Variants in DTNA observed in about 807,000 individuals in gnomAD.
DTNA encodes dystrophin-related protein 3.
DTNA carries 43 observed loss-of-function variants against 100.7 expected under a neutral mutation model. That is an observed-to-expected ratio of 0.43 (90% CI 0.33 to 0.55). DTNA has a LOEUF of 0.55. Ranked by LOEUF, DTNA falls within the 20% of genes least tolerant of loss-of-function variation. The pLI, the probability that DTNA is intolerant of heterozygous loss-of-function variation, is 0.04. For missense variants in DTNA, 798 were observed against 953.9 expected, an observed-to-expected ratio of 0.84 and a Z score of 2.15; for synonymous variants, 349 against 347.9, an observed-to-expected ratio of 1.00 and a Z score of -0.04.
At chr18:34,534,684 C>T (rs984921572) in intron 1 of DTNA, among the ~76,000 whole-genome samples, 1 of 151,998 alleles carries the variant, frequency 6.6e-6, no homozygotes, top group African/African-American at 2.4e-5. Flanking sequence ...TGATGTTCCC[C>T]TCCCTGTGTC....
chr18:34,860,896 C>T (rs2096615900), intron 16 of DTNA, among the ~76,000 whole-genome samples: 1 of 152,080 alleles, frequency 6.6e-6, no homozygotes, highest in African/African-American at 2.4e-5. Flanking sequence ...TTATTCTACT[C>T]GTTTAATGGA....
At chr18:34,714,798 G>C (rs982721088) in intron 1 of DTNA, among the ~76,000 whole-genome samples, 6 of 152,070 alleles carry the variant, frequency 3.9e-5, no homozygotes, top group Non-Finnish European at 8.8e-5. Context: ...CAAAGACTTG[G>C]AACCAAGCCA....
intron 3 of DTNA, among the ~76,000 whole-genome samples, chr18:34,781,772 A>G (rs1212166307): frequency 6.6e-6 from 1 of 152,232 alleles, no homozygotes; most frequent in Non-Finnish European, 1.5e-5. Context: ...AGAGAATTGT[A>G]TAGATATATA....
chr18:34,520,828 T>A (rs533065270), intron 1 of DTNA, among the ~76,000 whole-genome samples: 1 of 152,216 alleles, frequency 6.6e-6, no homozygotes, highest in South Asian at 2.1e-4. Flanking sequence ...GTCCTCAGAT[T>A]TTCTCTCTAG....
chr18:34,575,005 T>C (rs1453921541), intron 1 of DTNA, among the ~76,000 whole-genome samples: 1 of 152,240 alleles, frequency 6.6e-6, no homozygotes, highest in Non-Finnish European at 1.5e-5. Context: ...AATATAATGC[T>C]TTTACTAAAA....
At chr18:34,783,418 G>T (rs1416917934) in intron 3 of DTNA, among the ~76,000 whole-genome samples, 1 of 152,124 alleles carries the variant, frequency 6.6e-6, no homozygotes, top group Non-Finnish European at 1.5e-5. Flanking sequence ...TTTTCATGAA[G>T]GTTTATTACA....
intron 1 of DTNA, among the ~76,000 whole-genome samples, chr18:34,648,747 C>T (rs1047401754): frequency 2.0e-5 from 3 of 152,182 alleles, no homozygotes; most frequent in Non-Finnish European, 2.9e-5. Flanking sequence ...TGGGATTCTT[C>T]AAAACTTGTT....
chr18:34,609,540 G>T (rs561337957), intron 1 of DTNA, among the ~76,000 whole-genome samples: 2 of 152,220 alleles, frequency 1.3e-5, no homozygotes, highest in South Asian at 4.1e-4. Context: ...CACCGCGCCT[G>T]GCCACTGCTT....
At chr18:34,685,685 G>A (rs1268376310) in intron 1 of DTNA, among the ~76,000 whole-genome samples, 2 of 152,110 alleles carry the variant, frequency 1.3e-5, no homozygotes, top group Non-Finnish European at 2.9e-5. Flanking sequence ...AAAATCAATG[G>A]TAGCTTGATG....
intron 3 of DTNA, among the ~76,000 whole-genome samples, chr18:34,773,135 C>T (rs767770067): frequency 6.6e-6 from 1 of 152,146 alleles, no homozygotes; most frequent in Non-Finnish European, 1.5e-5. Flanking sequence ...CAGTGACTCA[C>T]GTGTTTATAT....
At chr18:34,764,593 A>G (rs1009115377) in intron 2 of DTNA, among the ~76,000 whole-genome samples, 2 of 152,212 alleles carry the variant, frequency 1.3e-5, no homozygotes, top group Non-Finnish European at 2.9e-5. Flanking sequence ...TAAAACCACA[A>G]AGTAATAGGA....
intron 1 of DTNA, among the ~76,000 whole-genome samples, chr18:34,609,864 A>G (rs1054850889): frequency 2.6e-5 from 4 of 152,210 alleles, no homozygotes; most frequent in Non-Finnish European, 5.9e-5. Flanking sequence ...GAAAATAGGA[A>G]GTAAAATTCT....
At chr18:34,883,657 G>GA (rs954292389) in intron 21 of DTNA, among the ~76,000 whole-genome samples, 4 of 151,086 alleles carry the variant, frequency 2.6e-5, no homozygotes, top group Admixed American at 6.6e-5. Context: ...CTTTGTTATT[G>GA]AAAAAAAAGG....
chr18:34,669,587 G>A (rs969605363), intron 1 of DTNA, among the ~76,000 whole-genome samples: 1 of 152,166 alleles, frequency 6.6e-6, no homozygotes, highest in Non-Finnish European at 1.5e-5. Context: ...TCCATGTTTA[G>A]TGCTTCCTTC....
rs1194322029 is a variant in DTNA, at chr18:34,794,046, T to G, written c.158T>G (p.Val53Gly). ...FVQKKCNLHL[V>G]DIWNVIEALR... ...TCTGCTTTAATTGTAGTGCACCTGG[T>G]GGACATATGGAATGTCATAGAAGCA... Residue 53 changes from valine (V) to glycine (G), a missense_variant, in exon 4 of 23, where the codon GTG (valine) becomes GGG (glycine). By Grantham distance (109) the Val-to-Gly change is moderately radical. Transcript: ENST00000444659. The G allele has an allele frequency of 4.3e-6, 7 of 1,613,880 alleles. No individual in the cohort carries two copies. The highest frequency in any genetic ancestry group is 5.9e-6 in the Non-Finnish European group (7 of 1,179,974).
intron 1 of DTNA, among the ~76,000 whole-genome samples, chr18:34,701,555 G>A (rs778915886): frequency 7.2e-5 from 11 of 151,988 alleles, no homozygotes; most frequent in Non-Finnish European, 1.2e-4. Flanking sequence ...ACTTCCACAT[G>A]TGTATCTGCA....
At position 34,700,251 on chromosome 18, in the gene DTNA, T is replaced by C. The variant is rs553594048; in HGVS notation, c.-1-55725T>C. 2.9e-3 allele frequency among the ~76,000 whole-genome samples: 442 copies of C among 152,280 alleles called. 2 individuals carry two copies. Among genetic ancestry groups the C allele is most frequent in the African/African-American group, 0.01 (416 of 41,580 alleles). Reference sequence around the variant, plus strand: ...CTCATCATATCCAGAAAAATATTCCTCCATTTGACCTCAGCCATCCACTTG... The same window carrying C: ...CTCATCATATCCAGAAAAATATTCCCCCATTTGACCTCAGCCATCCACTTG... On this transcript the variant is annotated intron_variant, in intron 1 of 19. Transcript: ENST00000283365.
chr18:34,732,518 A>T (rs1322164994), intron 1 of DTNA, among the ~76,000 whole-genome samples: 1 of 152,216 alleles, frequency 6.6e-6, no homozygotes, highest in Non-Finnish European at 1.5e-5. Context: ...TGCAACCTGG[A>T]CTGAGCTGGG....
At chr18:34,595,572 A>G (rs1222664530) in intron 1 of DTNA, among the ~76,000 whole-genome samples, 1 of 152,168 alleles carries the variant, frequency 6.6e-6, no homozygotes, top group Non-Finnish European at 1.5e-5. Flanking sequence ...TCCTAAGTGT[A>G]GTTTTATAAT....
Sources: gnomAD v4.1 joint callset for allele counts (sites outside exome capture counted in the v4.1 genomes callset) on GRCh38, gnomAD v4.1.1 for gene constraint, MANE v1.5 for transcripts, NCBI Gene and HGNC (gene_info 2026-07-23, HGNC 2026-07-21) for gene names.